The following TTC6 variants were observed in gnomAD, a reference collection of about 807,000 sequenced individuals.
The protein encoded by TTC6 is tetratricopeptide repeat domain 6.
A neutral mutation model predicts 210.4 loss-of-function variants in TTC6; 172 were observed. The ratio of observed to expected loss-of-function variants is 0.82; its 90% CI spans 0.72 to 0.93. The LOEUF (loss-of-function observed/expected upper bound fraction) is 0.93, where lower values mean the gene tolerates loss of function less well. Ranked by LOEUF, TTC6 falls within the 40% of genes least tolerant of loss-of-function variation. The pLI is 0.00. For synonymous variants in TTC6, 804 were observed against 819.6 expected, an observed-to-expected ratio of 0.98 and a Z score of 0.32; for missense variants, 2,414 against 2,318.1, an observed-to-expected ratio of 1.04 and a Z score of -0.85.
intron 1 of TTC6, among the ~76,000 whole-genome samples, chr14:37,644,543 C>G (rs2095698102): frequency 1.3e-5 from 2 of 152,192 alleles, no homozygotes; most frequent in Non-Finnish European, 2.9e-5. Flanking sequence ...AATGAAATCA[C>G]TATCCTTGGC....
At chr14:37,692,917 T>C (rs1410544007) in intron 3 of TTC6, among the ~76,000 whole-genome samples, 1 of 151,754 alleles carries the variant, frequency 6.6e-6, no homozygotes, top group Admixed American at 6.6e-5. Flanking sequence ...CAAAACCACA[T>C]ATGACAGACT....
At chr14:37,751,268 A>G in intron 13 of TTC6, 43 bp downstream of exon 15, 1 of 1,405,964 alleles carries the variant, frequency 7.1e-7, no homozygotes, top group Non-Finnish European at 9.4e-7. Context: ...TATAGTTTAG[A>G]TTGCGATATC....
In TTC6 at chr14:37,596,774, CAA is replaced by C. The variant is rs2095605454; in HGVS notation, c.-235+768_-235+769del. Among the ~76,000 whole-genome samples the C allele has an allele frequency of 2.0e-5, 3 of 152,110 alleles. No homozygotes were observed. In the South Asian group the frequency reaches 6.2e-4, roughly 32 times the overall value. ...GAATCCGCAAAATCTTCTTGTTTTG[CAA>C]AGTTTTTAAAATGTTATTAATCTCA... On this transcript the variant is annotated intron_variant, in intron 1 of 2. Transcript: ENST00000556845.
At chr14:37,763,382 G>A (rs184882722) in intron 14 of TTC6, among the ~76,000 whole-genome samples, 3 of 152,174 alleles carry the variant, frequency 2.0e-5, no homozygotes, top group African/African-American at 7.2e-5. Flanking sequence ...TTTTGAGAAC[G>A]CTTGGTGTTA....
At chr14:37,714,597 C>T in intron 5 of TTC6, 58 bp from the exon 8 acceptor site, 1 of 1,403,414 alleles carries the variant, frequency 7.1e-7, no homozygotes, top group East Asian at 2.5e-5. Flanking sequence ...TGAGGGCAAA[C>T]ACCTTATACT....
intron 20 of TTC6, 36 bp from the exon 23 acceptor site, chr14:37,804,644 A>G: frequency 6.2e-7 from 1 of 1,600,662 alleles, no homozygotes. Flanking sequence ...GGAAAGAAAC[A>G]TTTCTTGCCC....
intron 30 of TTC6, 22 bp from the exon 33 acceptor site, chr14:37,842,133 C>G: frequency 2.0e-6 from 3 of 1,485,656 alleles, no homozygotes; most frequent in Non-Finnish European, 2.7e-6. Context: ...TTAAATATAT[C>G]TTGATTTTTT....
At chr14:37,642,528 C>G (rs2095693925) in intron 1 of TTC6, among the ~76,000 whole-genome samples, 1 of 152,148 alleles carries the variant, frequency 6.6e-6, no homozygotes, top group Non-Finnish European at 1.5e-5. Context: ...ATCTTCTTAG[C>G]TTTATTATTT....
chr14:37,800,192 A>G (rs2096103105), intron 20 of TTC6, among the ~76,000 whole-genome samples: 1 of 152,162 alleles, frequency 6.6e-6, no homozygotes, highest in Non-Finnish European at 1.5e-5. Context: ...TTTTAAAGAC[A>G]CTAGCATTGA....
intron 20 of TTC6, among the ~76,000 whole-genome samples, chr14:37,802,743 T>C (rs985580339): frequency 1.3e-5 from 2 of 151,888 alleles, no homozygotes; most frequent in Non-Finnish European, 2.9e-5. Context: ...TTCTCTTTTT[T>C]TTTTTTTTGA....
exon 2 of TTC6, chr14:37,680,212 A>G: frequency 6.5e-7 from 1 of 1,534,386 alleles, no homozygotes; most frequent in East Asian, 2.4e-5. Flanking sequence ...GAAACACCTG[A>G]GATACAAGCA....
At chr14:37,685,165 G>A (rs890132803) in intron 3 of TTC6, among the ~76,000 whole-genome samples, 10 of 152,152 alleles carry the variant, frequency 6.6e-5, no homozygotes, top group Admixed American at 3.3e-4. Flanking sequence ...GAAGATGTCA[G>A]TGAAAGTCTA....
intron 7 of TTC6, among the ~76,000 whole-genome samples, chr14:37,732,557 A>G (rs1198110551): frequency 6.6e-6 from 1 of 151,976 alleles, no homozygotes; most frequent in African/African-American, 2.4e-5. Flanking sequence ...AGGAAGAGAA[A>G]ATATACTTAC....
chr14:37,651,419 A>ATC (rs2095712050), intron 1 of TTC6, among the ~76,000 whole-genome samples: 1 of 20,716 alleles, frequency 4.8e-5, no homozygotes, highest in South Asian at 2.7e-3. Context: ...ATATATATAT[A>ATC]TATATATTTT....
chr14:37,812,990 C>T lies in TTC6; in HGVS notation c.4689+557C>T, dbSNP rs182986945. ...GAATAATTAAATAAAATTCATCATTCTCATTTTTAACTTTTTATTTTTATT... is the reference window on the plus strand; with the variant it reads ...GAATAATTAAATAAAATTCATCATTTTCATTTTTAACTTTTTATTTTTATT... On this transcript the variant is annotated intron_variant, in intron 25 of 30. Transcript: ENST00000553443. Among the ~76,000 whole-genome samples the T allele has an allele frequency of 5.3e-3, 805 of 152,188 alleles. 3 individuals carry two copies. Among genetic ancestry groups the T allele is most frequent in the Admixed American group, 9.0e-3 (138 of 15,280 alleles).
exon 11 of TTC6, chr14:37,749,133 C>T (rs996694374): frequency 2.1e-5 from 33 of 1,535,352 alleles, no homozygotes; most frequent in Middle Eastern, 3.3e-4. Context: ...TACAAAGATG[C>T]GAGCATACCT....
upstream of TTC6, among the ~76,000 whole-genome samples, chr14:37,620,897 C>T (rs1307429298): frequency 6.6e-6 from 1 of 152,194 alleles, no homozygotes; most frequent in Non-Finnish European, 1.5e-5. Flanking sequence ...CAAGGTCAGA[C>T]TCAGGCTCCA....
chr14:37,804,551 GT>G, intron 20 of TTC6, 128 bp from the exon 23 acceptor site: 1 of 1,247,720 alleles, frequency 8.0e-7, no homozygotes, highest in Non-Finnish European at 1.1e-6. Flanking sequence ...CACCAGGTCT[GT>G]TTGTCCCCAG....
At chr14:37,634,434 A>G (rs2095676017) in intron 1 of TTC6, among the ~76,000 whole-genome samples, 1 of 152,210 alleles carries the variant, frequency 6.6e-6, no homozygotes, top group Non-Finnish European at 1.5e-5. Context: ...TGAGCTGAAA[A>G]CAGAGACAGT....
Sources: allele counts gnomAD v4.1 joint callset (sites outside exome capture counted in the v4.1 genomes callset), GRCh38; gene constraint gnomAD v4.1.1; transcripts MANE v1.5; gene names NCBI Gene and HGNC (gene_info 2026-07-23, HGNC 2026-07-21).